Variants in SPMIP4 observed in about 807,000 individuals in gnomAD.
SPMIP4 encodes sperm microtubule inner protein 4.
the SPMIP4 span, chr7:25,168,158 TTC>T: frequency 6.8e-6 from 5 of 737,504 alleles, no homozygotes; most frequent in Non-Finnish European, 1.1e-5. Flanking sequence ...TAATTTTTCA[TTC>T]TGTGTCTTTT....
At chr7:25,160,556 C>T in the SPMIP4 span, among the ~76,000 whole-genome samples, 1 of 152,180 alleles carries the variant, frequency 6.6e-6, no homozygotes, top group Admixed American at 6.5e-5. Flanking sequence ...TCCTCAGCCT[C>T]CCAAAGTGTT....
the SPMIP4 span, chr7:25,135,653 G>T: frequency 1.2e-6 from 1 of 814,806 alleles, no homozygotes; most frequent in Non-Finnish European, 1.5e-6. Flanking sequence ...AAACAATGAT[G>T]TAAACTTTGT....
chr7:25,144,434 T>C, the SPMIP4 span, among the ~76,000 whole-genome samples: 1 of 152,278 alleles, frequency 6.6e-6, no homozygotes, highest in East Asian at 1.9e-4. Flanking sequence ...CCCGCCCCAT[T>C]TACCCACCAC....
At chr7:25,140,105 C>T in the SPMIP4 span, among the ~76,000 whole-genome samples, 9 of 152,128 alleles carry the variant, frequency 5.9e-5, no homozygotes, top group Admixed American at 2.6e-4. Context: ...GTTGAACACA[C>T]CTGACAACAT....
the SPMIP4 span, among the ~76,000 whole-genome samples, chr7:25,140,422 C>A: frequency 6.6e-6 from 1 of 152,204 alleles, no homozygotes; most frequent in Admixed American, 6.5e-5. Context: ...CCACCTTAGC[C>A]TCCTGAGTAG....
chr7:25,173,849 C>T, the SPMIP4 span, among the ~76,000 whole-genome samples: 1 of 152,138 alleles, frequency 6.6e-6, no homozygotes, highest in Non-Finnish European at 1.5e-5. This position sits in a 1 kb window ranked among gnomAD's most constrained non-coding sequence, Gnocchi z 4.4. Flanking sequence ...GGCTGGCATC[C>T]ACCTAAAGCT....
the SPMIP4 span, among the ~76,000 whole-genome samples, chr7:25,128,221 T>A: frequency 6.6e-6 from 1 of 152,204 alleles, no homozygotes; most frequent in Admixed American, 6.5e-5. The surrounding 1 kb of genome is among the most constrained non-coding windows in gnomAD (Gnocchi z 4.5). Flanking sequence ...GTAGCTTATG[T>A]TTCCTCAAGG....
the SPMIP4 span, chr7:25,136,157 G>A: frequency 6.2e-7 from 1 of 1,614,120 alleles, no homozygotes; most frequent in Non-Finnish European, 8.5e-7. The surrounding 1 kb of genome is among the most constrained non-coding windows in gnomAD (Gnocchi z 5.7). Context: ...CCAGCTCTAG[G>A]AATCCAACCA....
chr7:25,157,047 A>T, the SPMIP4 span, among the ~76,000 whole-genome samples: 1 of 152,136 alleles, frequency 6.6e-6, no homozygotes, highest in Non-Finnish European at 1.5e-5. Flanking sequence ...AAAGAAAGGA[A>T]ATGCTAAAAG....
At chr7:25,147,169 C>T in the SPMIP4 span, among the ~76,000 whole-genome samples, 1 of 152,206 alleles carries the variant, frequency 6.6e-6, no homozygotes, top group Non-Finnish European at 1.5e-5. Flanking sequence ...TGGCGCACAT[C>T]TGTGGGCTTA....
the SPMIP4 span, among the ~76,000 whole-genome samples, chr7:25,160,444 G>A: frequency 1.7e-4 from 26 of 152,042 alleles, no homozygotes; most frequent in Middle Eastern, 3.4e-3. Flanking sequence ...GATTACAGCC[G>A]CCTGCCATCA....
the SPMIP4 span, among the ~76,000 whole-genome samples, chr7:25,129,390 G>T: frequency 2.6e-5 from 4 of 152,188 alleles, no homozygotes; most frequent in Non-Finnish European, 5.9e-5. Flanking sequence ...TCTGCCCAGT[G>T]TTGTTTTTCA....
the SPMIP4 span, chr7:25,161,278 A>C: frequency 7.3e-7 from 1 of 1,362,346 alleles, no homozygotes; most frequent in South Asian, 1.3e-5. Context: ...GAAAGAAAAG[A>C]TTAAATTAAA....
the SPMIP4 span, among the ~76,000 whole-genome samples, chr7:25,131,125 C>A: frequency 1.3e-5 from 2 of 152,180 alleles, no homozygotes; most frequent in Admixed American, 1.3e-4. The surrounding 1 kb of genome is among the most constrained non-coding windows in gnomAD (Gnocchi z 4.2). Context: ...ATTAGATTCT[C>A]ATAGGAACTT....
chr7:25,162,266 G>C, the SPMIP4 span, among the ~76,000 whole-genome samples: 1 of 57,556 alleles, frequency 1.7e-5, no homozygotes, highest in Non-Finnish European at 4.4e-5. Flanking sequence ...GTGAAACTCT[G>C]TCTCAAAAAA....
the SPMIP4 span, among the ~76,000 whole-genome samples, chr7:25,131,199 G>T: frequency 6.6e-6 from 1 of 152,168 alleles, no homozygotes; most frequent in African/African-American, 2.4e-5. This position sits in a 1 kb window ranked among gnomAD's most constrained non-coding sequence, Gnocchi z 4.2. Context: ...AGAATCTAAT[G>T]CCTGATGATC....
chr7:25,158,866 A>AAAT, the SPMIP4 span, among the ~76,000 whole-genome samples: 287 of 131,948 alleles, frequency 2.2e-3, no homozygotes, highest in African/African-American at 8.6e-3. Context: ...AAAAAAAAAA[A>AAAT]AATAATAATA....
the SPMIP4 span, among the ~76,000 whole-genome samples, chr7:25,131,211 G>A: frequency 6.6e-6 from 1 of 152,162 alleles, no homozygotes; most frequent in Admixed American, 6.5e-5. This position sits in a 1 kb window ranked among gnomAD's most constrained non-coding sequence, Gnocchi z 4.2. Flanking sequence ...CTGATGATCT[G>A]TCACTATCTC....
chr7:25,131,616 C>A, the SPMIP4 span, among the ~76,000 whole-genome samples: 2 of 152,296 alleles, frequency 1.3e-5, no homozygotes, highest in Admixed American at 1.3e-4. This position sits in a 1 kb window ranked among gnomAD's most constrained non-coding sequence, Gnocchi z 4.2. Flanking sequence ...GGTGGCAGGC[C>A]ACTTCCAAAA....
Sources: allele counts gnomAD v4.1 joint callset (sites outside exome capture counted in the v4.1 genomes callset), GRCh38; gene constraint gnomAD v4.1.1; non-coding constraint Gnocchi (gnomAD v3.1); transcripts MANE v1.5; gene names NCBI Gene and HGNC (gene_info 2026-07-23, HGNC 2026-07-21).